TGFB2: variants seen among roughly 807,000 people sequenced by gnomAD.
The protein encoded by TGFB2 is transforming growth factor beta 2, also known as transforming growth factor beta-2 proprotein.
Under a neutral mutation model 42.7 loss-of-function variants are expected in TGFB2, and 13 were observed. The ratio of observed to expected loss-of-function variants is 0.30; its 90% CI spans 0.20 to 0.48. The LOEUF (loss-of-function observed/expected upper bound fraction) is 0.48. Among genes scored for constraint, TGFB2 ranks in the 20% least tolerant of loss-of-function variants. The pLI is 0.99. For missense variants in TGFB2, 390 were observed against 517.5 expected (o/e 0.75, Z 2.39); for synonymous variants, 193 against 193.6 (o/e 1.00, Z 0.03).
At chr1:218,374,020 T>C (rs1657659790) in intron 1 of TGFB2, among the ~76,000 whole-genome samples, 1 of 152,240 alleles carries the variant, frequency 6.6e-6, no homozygotes, top group Admixed American at 6.5e-5. Context: ...TAGCTTCTTA[T>C]GTGAATCTAT....
At chr1:218,367,788 G>A (rs1416497464) in intron 1 of TGFB2, among the ~76,000 whole-genome samples, 3 of 152,004 alleles carry the variant, frequency 2.0e-5, no homozygotes, top group Admixed American at 6.6e-5. Context: ...AAGAGAGGAC[G>A]TTCATTTTTT....
intron 2 of TGFB2, among the ~76,000 whole-genome samples, chr1:218,433,209 C>T (rs1439098510): frequency 6.6e-6 from 1 of 152,076 alleles, no homozygotes; most frequent in Non-Finnish European, 1.5e-5. Flanking sequence ...GCTGGGATTA[C>T]AGGCGCCCAC....
At chr1:218,389,527 G>A (rs551488947) in intron 1 of TGFB2, among the ~76,000 whole-genome samples, 10 of 152,284 alleles carry the variant, frequency 6.6e-5, no homozygotes, top group African/African-American at 1.4e-4. Flanking sequence ...GCTTGCTTCC[G>A]GCTGAAGAAC....
At chr1:218,396,295 T>C (rs1658509568) in intron 1 of TGFB2, among the ~76,000 whole-genome samples, 1 of 152,184 alleles carries the variant, frequency 6.6e-6, no homozygotes, top group Admixed American at 6.5e-5. Flanking sequence ...TAAACAAATA[T>C]CTAACTAACA....
At chr1:218,403,993 G>C (rs546208500) in intron 1 of TGFB2, among the ~76,000 whole-genome samples, 1 of 147,682 alleles carries the variant, frequency 6.8e-6, no homozygotes, top group Admixed American at 6.9e-5. Flanking sequence ...AGTTAGAATA[G>C]GACCTGCTCT....
At position 218,437,386 on chromosome 1, in the gene TGFB2, T is replaced by A; in HGVS notation, c.976T>A (p.Phe326Ile). The A allele has an allele frequency of 6.2e-7, 1 of 1,613,264 alleles. No homozygotes were observed. The highest frequency in any genetic ancestry group is 8.5e-7 in the Non-Finnish European group (1 of 1,179,662). Residue 326 changes from phenylalanine to isoleucine, a missense_variant, in exon 6 of 7, where the codon TTC becomes ATC. Physicochemically the swap from Phe to Ile is conservative, Grantham distance 21. Coordinates refer to ENST00000366930, the MANE Select transcript of TGFB2 (RefSeq NM_003238.6). ...CTGCCTACGTCCACTTTACATTGAT[T>A]TCAAGAGGGATCTAGGGTGGAAATG... is the stretch of plus-strand genomic sequence containing the variant. ...NCCLRPLYID[F>I]KRDLGWKWIH...
At chr1:218,378,789 A>G (rs1171492590) in intron 1 of TGFB2, among the ~76,000 whole-genome samples, 7 of 149,714 alleles carry the variant, frequency 4.7e-5, no homozygotes, top group East Asian at 2.0e-4. Flanking sequence ...TTTTTCTTAT[A>G]CAGAAGGGAC....
intron 2 of TGFB2, among the ~76,000 whole-genome samples, chr1:218,418,262 C>T (rs1659344377): frequency 6.6e-6 from 1 of 152,248 alleles, no homozygotes; most frequent in African/African-American, 2.4e-5. Context: ...CTTGCATCAG[C>T]GTGACCTGGA....
At chr1:218,413,493 A>G (rs1191495766) in intron 2 of TGFB2, among the ~76,000 whole-genome samples, 3 of 152,214 alleles carry the variant, frequency 2.0e-5, no homozygotes, top group South Asian at 2.1e-4. Context: ...GTGCATTTCT[A>G]CAGAGAGGCA....
At chr1:218,387,525 C>T (rs1039382260) in intron 1 of TGFB2, among the ~76,000 whole-genome samples, 9 of 152,108 alleles carry the variant, frequency 5.9e-5, no homozygotes, top group Non-Finnish European at 1.3e-4. Flanking sequence ...CAGGTAGTGT[C>T]TCTCCTAGCC....
chr1:218,402,875 C>T (rs902861854), intron 1 of TGFB2, among the ~76,000 whole-genome samples: 2 of 152,226 alleles, frequency 1.3e-5, no homozygotes, highest in Non-Finnish European at 2.9e-5. Flanking sequence ...TTGGCCAAGA[C>T]GGTGTGCAAT....
chr1:218,395,045 G>C (rs1340148645), intron 1 of TGFB2, among the ~76,000 whole-genome samples: 1 of 152,140 alleles, frequency 6.6e-6, no homozygotes, highest in South Asian at 2.1e-4. Flanking sequence ...AAGCATGTCA[G>C]AAGTCCACAC....
chr1:218,353,304 C>T (rs778148119), intron 1 of TGFB2, among the ~76,000 whole-genome samples: 112 of 152,264 alleles, frequency 7.4e-4, no homozygotes, highest in Non-Finnish European at 1.2e-3. Flanking sequence ...TCTGACACTT[C>T]AGGGCAGGGA....
At position 218,442,256 on chromosome 1, in the gene TGFB2, A is replaced by G. The variant is rs1473207292; in HGVS notation, c.*894A>G. The G allele has an allele frequency of 6.6e-6, 1 of 152,062 alleles. No homozygotes were observed. The highest frequency in any genetic ancestry group is 2.4e-5 in the African/African-American group (1 of 41,430). 9.4% of individuals were successfully genotyped at this position (152,062 alleles called of 1,614,324 possible). On this transcript the variant is annotated 3_prime_UTR_variant, in exon 7 of 7. Coordinates refer to ENST00000366930, the MANE Select transcript of TGFB2 (RefSeq NM_003238.6). ...CTGGTCAAACTTCAGACCTTAAAAT[A>G]TTGCTGTATAGCTATGCTATAGGTT...
chr1:218,363,905 C>G (rs1290130760), intron 1 of TGFB2, among the ~76,000 whole-genome samples: 1 of 152,196 alleles, frequency 6.6e-6, no homozygotes, highest in Non-Finnish European at 1.5e-5. Context: ...GCAAGCTTGT[C>G]CAACCCTCGG....
intron 6 of TGFB2, among the ~76,000 whole-genome samples, chr1:218,439,391 A>T (rs575800956): frequency 6.6e-6 from 1 of 152,210 alleles, no homozygotes; most frequent in Admixed American, 6.5e-5. Flanking sequence ...CTGCCAAAAA[A>T]GATCACATAC....
intron 1 of TGFB2, among the ~76,000 whole-genome samples, chr1:218,397,513 G>A (rs1037484131): frequency 8.7e-5 from 13 of 149,086 alleles, no homozygotes; most frequent in African/African-American, 3.2e-4. Context: ...GCAGTGAGCC[G>A]AGATCGCGCC....
At chr1:218,398,290 A>G (rs1031708578) in intron 1 of TGFB2, among the ~76,000 whole-genome samples, 37 of 152,242 alleles carry the variant, frequency 2.4e-4, no homozygotes, top group Non-Finnish European at 4.9e-4. Context: ...CAAATACAGC[A>G]AATACCTATA....
intron 2 of TGFB2, among the ~76,000 whole-genome samples, chr1:218,414,263 G>A (rs533491252): frequency 2.0e-5 from 3 of 150,922 alleles, no homozygotes; most frequent in Non-Finnish European, 4.4e-5. Flanking sequence ...ACGCACACAC[G>A]GTTCAGCTTT....
Sources: allele counts gnomAD v4.1 joint callset (sites outside exome capture counted in the v4.1 genomes callset), GRCh38; gene constraint gnomAD v4.1.1; transcripts MANE v1.5; gene names NCBI Gene and HGNC (gene_info 2026-07-23, HGNC 2026-07-21).